Variants in PDS5B observed in about 807,000 individuals in gnomAD.
The protein encoded by PDS5B is PDS5 cohesin associated factor B.
A neutral mutation model predicts 184.1 loss-of-function variants in PDS5B; 51 were observed. The ratio of observed to expected loss-of-function variants is 0.28; its 90% CI spans 0.22 to 0.35. The LOEUF is 0.35. Among genes scored for constraint, PDS5B ranks in the 10% least tolerant of loss-of-function variants. PDS5B has a pLI of 1.00. For missense variants in PDS5B, 1,180 were observed against 1,723.3 expected, an observed-to-expected ratio of 0.68 and a Z score of 5.58; for synonymous variants, 566 against 569.2, an observed-to-expected ratio of 0.99 and a Z score of 0.08.
At position 32,675,840 on chromosome 13, in the gene PDS5B, T is replaced by TTAAA; in HGVS notation, c.847-2_847-1insAATA. The TTAAA allele has an allele frequency of 1.3e-6, 2 of 1,560,440 alleles. No individual in the cohort carries two copies. The highest frequency in any genetic ancestry group is 1.8e-6 in the Non-Finnish European group (2 of 1,131,392). On this transcript the variant is annotated splice_polypyrimidine_tract_variant and splice_region_variant and intron_variant, in intron 8 of 34. Transcript: ENST00000315596. The stretch of plus-strand genomic sequence containing the variant: ...TTTAAAGCTGTGATTGTGTTTTATT[T>TTAAA]TAGAGCAATGATAATGAGGAGCGCC...
At chr13:32,764,307 CT>C (rs1209342849) in intron 30 of PDS5B, among the ~76,000 whole-genome samples, 181 bp from the exon 31 acceptor site, 9 of 152,012 alleles carry the variant, frequency 5.9e-5, no homozygotes, top group Non-Finnish European at 1.0e-4. Flanking sequence ...AATTTTCTCA[CT>C]ATATTAAATT....
chr13:32,616,899 T>A (rs1415531294), intron 1 of PDS5B, among the ~76,000 whole-genome samples: 1 of 152,232 alleles, frequency 6.6e-6, no homozygotes, highest in Non-Finnish European at 1.5e-5. Flanking sequence ...AGAATTTTCC[T>A]TCTTTTCCTG....
chr13:32,699,960 T>G, intron 16 of PDS5B, 91 bp downstream of exon 16: 1 of 1,199,462 alleles, frequency 8.3e-7, no homozygotes, highest in Non-Finnish European at 1.1e-6. Context: ...ATTCATTATA[T>G]TAAATTTGAA....
chr13:32,673,266 A>G lies in PDS5B; in HGVS notation c.756A>G (p.Ser252=). ...MLGKTSISDL[S]EHVFDLILEL... is the part of the protein sequence containing the mutation. ...GGAAAACATCTATCAGCGATTTGTC[A>G]GAGCATGTCTTTGACTTAATTTTGG... The change falls in exon 8 of 35, where the codon TCA becomes TCG. Residue 252 remains serine (S), a synonymous_variant. Coordinates refer to ENST00000315596, the MANE Select transcript of PDS5B (RefSeq NM_015032.4). The G allele has an allele frequency of 1.2e-6, 2 of 1,613,424 alleles. No individual in the cohort carries two copies. Among genetic ancestry groups the G allele is most frequent in the Non-Finnish European group, 1.7e-6 (2 of 1,179,618 alleles).
chr13:32,648,431 T>A (rs1950281535), intron 1 of PDS5B, among the ~76,000 whole-genome samples: 2 of 152,220 alleles, frequency 1.3e-5, no homozygotes. Context: ...TAGGTTTTAG[T>A]TTGAGTACTT....
At chr13:32,735,881 A>G (rs1339959193) in intron 21 of PDS5B, among the ~76,000 whole-genome samples, 1 of 152,136 alleles carries the variant, frequency 6.6e-6, no homozygotes, top group Non-Finnish European at 1.5e-5. Flanking sequence ...ATAAGTAGTG[A>G]TATCTGGGTT....
At position 32,776,981 on chromosome 13, in the gene PDS5B, TTCCTTAGCTCGGTTCTCCCAAACACA is replaced by T. The variant is rs1259761272; in HGVS notation, c.*1931_*1956del. On this transcript the variant is annotated 3_prime_UTR_variant, in exon 35 of 35. Coordinates refer to ENST00000315596, the MANE Select transcript of PDS5B (RefSeq NM_015032.4). ...TCAACATACATTGGTTTTGAAATGT[TTCCTTAGCTCGGTTCTCCCAAACACA>T]TAATTTCTGTTTCAGCAGTACAAAG... The T allele has an allele frequency of 6.6e-6, 1 of 152,464 alleles. No individual in the cohort carries two copies. Among genetic ancestry groups the T allele is most frequent in the Non-Finnish European group, 1.5e-5 (1 of 67,910 alleles). 9.4% of individuals were successfully genotyped at this position (152,464 alleles called of 1,614,324 possible).
intron 10 of PDS5B, among the ~76,000 whole-genome samples, chr13:32,681,099 A>G (rs1219596093): frequency 6.6e-6 from 1 of 152,166 alleles, no homozygotes; most frequent in East Asian, 1.9e-4. Context: ...TCTTAGGCTC[A>G]TATTGGCTTC....
chr13:32,678,709 TCTA>T, intron 9 of PDS5B, 123 bp from the exon 10 acceptor site: 1 of 617,880 alleles, frequency 1.6e-6, no homozygotes, highest in East Asian at 2.8e-5. Context: ...ATGGTTTGGT[TCTA>T]CTTTGCATTT....
chr13:32,725,480 G>A (rs1437110958), intron 19 of PDS5B, among the ~76,000 whole-genome samples: 1 of 152,006 alleles, frequency 6.6e-6, no homozygotes, highest in African/African-American at 2.4e-5. Context: ...CCCCAGACCT[G>A]GAATTGGCCA....
chr13:32,624,927 G>T (rs2058348945), intron 1 of PDS5B, among the ~76,000 whole-genome samples: 1 of 152,116 alleles, frequency 6.6e-6, no homozygotes. Flanking sequence ...GAGACAGATG[G>T]TGAGTGTGGA....
chr13:32,730,375 A>G (rs937584402), intron 19 of PDS5B, among the ~76,000 whole-genome samples: 33 of 152,188 alleles, frequency 2.2e-4, no homozygotes, highest in African/African-American at 7.5e-4. Flanking sequence ...GAAGTCAGGT[A>G]GCATGATATC....
In PDS5B at chr13:32,682,361, A is replaced by G. The variant is rs570044922; in HGVS notation, c.1058-1517A>G. On this transcript the variant is annotated intron_variant, in intron 10 of 34. Coordinates refer to ENST00000315596, the MANE Select transcript of PDS5B (RefSeq NM_015032.4). ...TTAGTTTTGCCTGTTTCTGAATTTC[A>G]TATATGTTGAATCATACAATGTGTA... is the stretch of plus-strand genomic sequence containing the variant. 2.0e-5 allele frequency among the ~76,000 whole-genome samples: 3 copies of G among 152,092 alleles called. No homozygotes were observed. In the South Asian group the frequency reaches 6.2e-4, roughly 32 times the overall value.
chr13:32,729,397 C>T (rs1466428908), intron 19 of PDS5B, among the ~76,000 whole-genome samples: 1 of 152,154 alleles, frequency 6.6e-6, no homozygotes, highest in African/African-American at 2.4e-5. Context: ...AATAGTGCTG[C>T]AGTAAACATA....
At chr13:32,684,842 A>T (rs1951340464) in intron 11 of PDS5B, among the ~76,000 whole-genome samples, 1 of 152,172 alleles carries the variant, frequency 6.6e-6, no homozygotes, top group Admixed American at 6.5e-5. Flanking sequence ...GGCCAGGTGC[A>T]GTAGCTCACA....
intron 1 of PDS5B, among the ~76,000 whole-genome samples, chr13:32,595,316 GTTA>G (rs1283127303): frequency 1.3e-5 from 2 of 151,982 alleles, no homozygotes. Context: ...ATTTTTAAAG[GTTA>G]TTATTATTTT....
chr13:32,718,140 T>C (rs1952542432), intron 19 of PDS5B, among the ~76,000 whole-genome samples: 1 of 148,846 alleles, frequency 6.7e-6, no homozygotes, highest in Non-Finnish European at 1.5e-5. Flanking sequence ...TGATAGATGC[T>C]GAAAGGGCTT....
chr13:32,736,878 T>C (rs1953349913), intron 21 of PDS5B, among the ~76,000 whole-genome samples: 1 of 152,174 alleles, frequency 6.6e-6, no homozygotes, highest in African/African-American at 2.4e-5. Context: ...GCTTCAGTTT[T>C]GTCTAGTCGT....
Position 32,775,111 on chromosome 13 carries a change from T to TTTTTTTTG in PDS5B, c.*60_*61insTTTTTTGT, listed in dbSNP as rs1954916653. The TTTTTTTTG allele has an allele frequency of 6.7e-7, 1 of 1,500,966 alleles. No individual in the cohort carries two copies. The allele number at this position is 1,500,966 out of a possible 1,614,324, so 93.0% of individuals were successfully genotyped here. The stretch of plus-strand genomic sequence containing the variant: ...TTTGGAAAAATCTTTTTTTTTTTTT[T>TTTTTTTTG]TGGTCAAGCTTGAGGCTGAATAAAG... On this transcript the variant is annotated 3_prime_UTR_variant, in exon 35 of 35. Transcript: ENST00000315596.
Sources: gnomAD v4.1 joint callset for allele counts (sites outside exome capture counted in the v4.1 genomes callset) on GRCh38, gnomAD v4.1.1 for gene constraint, MANE v1.5 for transcripts, NCBI Gene and HGNC (gene_info 2026-07-23, HGNC 2026-07-21) for gene names.